MBNL1: variants seen among roughly 807,000 people sequenced by gnomAD.
MBNL1 encodes muscleblind like splicing regulator 1.
Under a neutral mutation model 42.2 loss-of-function variants are expected in MBNL1, and 8 were observed. That is an observed-to-expected ratio of 0.19 (90% CI 0.11 to 0.34). The LOEUF is 0.34. Ranked by LOEUF, MBNL1 falls within the 10% of genes least tolerant of loss-of-function variation. MBNL1 has a pLI of 1.00. For synonymous variants in MBNL1, 169 were observed against 173.9 expected (o/e 0.97, Z 0.22); for missense variants, 309 against 495.3 (o/e 0.62, Z 3.57).
At chr3:152,325,087 G>GCCCCCCCCCCA (rs532842950) in intron 2 of MBNL1, among the ~76,000 whole-genome samples, 1 of 15,368 alleles carries the variant, frequency 6.5e-5, no homozygotes, top group Non-Finnish European at 1.4e-4. Flanking sequence ...CCACATACCC[G>GCCCCCCCCCCA]CCCCCCCCCG....
chr3:152,338,122 A>G (rs2091713310), intron 2 of MBNL1: 22 of 983,132 alleles, frequency 2.2e-5, no homozygotes, highest in Non-Finnish European at 2.4e-5. Context: ...TTCTAGAACT[A>G]AATCTCCATA....
chr3:152,373,736 G>T (rs2096780661), intron 2 of MBNL1, among the ~76,000 whole-genome samples: 1 of 152,192 alleles, frequency 6.6e-6, no homozygotes, highest in Non-Finnish European at 1.5e-5. Flanking sequence ...GGGAGCTGCA[G>T]ACCTGAGCTG....
chr3:152,437,988 G>A (rs1391719896), intron 4 of MBNL1, among the ~76,000 whole-genome samples: 2 of 151,966 alleles, frequency 1.3e-5, no homozygotes, highest in Non-Finnish European at 2.9e-5. Context: ...TTGCCAGGCT[G>A]GTCTCAGCAA....
At chr3:152,430,340 CAAT>C (rs2098990289) in intron 3 of MBNL1, among the ~76,000 whole-genome samples, 1 of 152,112 alleles carries the variant, frequency 6.6e-6, no homozygotes, top group South Asian at 2.1e-4. Flanking sequence ...ATAAACATCT[CAAT>C]AACTTTCTGA....
At chr3:152,313,739 G>T (rs3864006) in intron 2 of MBNL1, among the ~76,000 whole-genome samples, 2,283 of 152,198 alleles carry the variant, frequency 0.015, 52 homozygotes, top group African/African-American at 0.052. Flanking sequence ...AATTAAAAAG[G>T]ACTTAACCTT....
At chr3:152,323,541 C>T (rs2077630934) in intron 2 of MBNL1, among the ~76,000 whole-genome samples, 1 of 152,038 alleles carries the variant, frequency 6.6e-6, no homozygotes, top group Non-Finnish European at 1.5e-5. Flanking sequence ...GTTGTGTGTA[C>T]ATCATAGAGT....
chr3:152,319,042 AC>A (rs1236280175), intron 2 of MBNL1, among the ~76,000 whole-genome samples: 1 of 152,184 alleles, frequency 6.6e-6, no homozygotes, highest in African/African-American at 2.4e-5. Flanking sequence ...GGTTCTACTT[AC>A]ATTTTTACTA....
chr3:152,367,717 G>A (rs149835694), intron 2 of MBNL1, among the ~76,000 whole-genome samples: 33 of 152,080 alleles, frequency 2.2e-4, no homozygotes, highest in African/African-American at 8.0e-4. Context: ...TAATGATTGC[G>A]ATTCTAACTG....
At chr3:152,286,195 C>A (rs961790187) in intron 1 of MBNL1, among the ~76,000 whole-genome samples, 2 of 150,322 alleles carry the variant, frequency 1.3e-5, no homozygotes, top group Non-Finnish European at 3.0e-5. Context: ...ATGAAGAAAA[C>A]GATTTGACTA....
At chr3:152,438,920 T>A (rs2099112862) in intron 4 of MBNL1, among the ~76,000 whole-genome samples, 1 of 152,086 alleles carries the variant, frequency 6.6e-6, no homozygotes, top group Non-Finnish European at 1.5e-5. Flanking sequence ...ATAGGCGTAA[T>A]CCAATAAAAA....
intron 2 of MBNL1, among the ~76,000 whole-genome samples, chr3:152,407,624 A>G (rs1486903562): frequency 1.3e-5 from 2 of 152,190 alleles, no homozygotes; most frequent in Non-Finnish European, 2.9e-5. Context: ...ATGTAATAAA[A>G]AAATCCTATT....
intron 2 of MBNL1, among the ~76,000 whole-genome samples, chr3:152,316,799 G>C (rs2071904534): frequency 6.6e-6 from 1 of 152,106 alleles, no homozygotes; most frequent in African/African-American, 2.4e-5. Context: ...ATTTTCACAT[G>C]CTCCAGACTT....
At chr3:152,347,705 C>T (rs1349544490) in intron 2 of MBNL1, among the ~76,000 whole-genome samples, 2 of 152,050 alleles carry the variant, frequency 1.3e-5, no homozygotes, top group African/African-American at 4.8e-5. Flanking sequence ...TTACTCTGTG[C>T]GTGTCATGTT....
chr3:152,337,012 A>G (rs2090699184), intron 2 of MBNL1, among the ~76,000 whole-genome samples: 1 of 152,184 alleles, frequency 6.6e-6, no homozygotes, highest in African/African-American at 2.4e-5. Context: ...GAGTTCCTAA[A>G]TGATTTTGAC....
intron 3 of MBNL1, among the ~76,000 whole-genome samples, chr3:152,425,618 A>G (rs1237501782): frequency 6.6e-6 from 1 of 152,060 alleles, no homozygotes; most frequent in Non-Finnish European, 1.5e-5. Context: ...AGAAAAAAAA[A>G]AAAAGAAAGA....
chr3:152,255,949 G>A (rs571298310), intron 2 of MBNL1, among the ~76,000 whole-genome samples: 13 of 152,300 alleles, frequency 8.5e-5, no homozygotes, highest in African/African-American at 1.9e-4. Flanking sequence ...GGGTCTCAAA[G>A]GATGGTGGGA....
chr3:152,390,098 G>T (rs981389763), intron 2 of MBNL1, among the ~76,000 whole-genome samples: 13 of 151,140 alleles, frequency 8.6e-5, no homozygotes, highest in African/African-American at 2.9e-4. Context: ...TCGAACTCCT[G>T]ACCTTGTGAT....
At chr3:152,403,271 T>G (rs1040201728) in intron 2 of MBNL1, among the ~76,000 whole-genome samples, 4 of 152,212 alleles carry the variant, frequency 2.6e-5, no homozygotes, top group African/African-American at 9.6e-5. Context: ...ACTTTTCATC[T>G]TAACTAAGCA....
chr3:152,462,167 C>T (rs903571470), intron 9 of MBNL1, among the ~76,000 whole-genome samples: 11 of 152,000 alleles, frequency 7.2e-5, no homozygotes, highest in African/African-American at 2.4e-4. Flanking sequence ...GGAGCACATT[C>T]TACAGTTTTA....
Sources: allele counts gnomAD v4.1 joint callset (sites outside exome capture counted in the v4.1 genomes callset), GRCh38; gene constraint gnomAD v4.1.1; transcripts MANE v1.5; gene names NCBI Gene and HGNC (gene_info 2026-07-23, HGNC 2026-07-21).